DCC: variants seen among roughly 807,000 people sequenced by gnomAD.
DCC encodes DCC netrin 1 receptor.
A neutral mutation model predicts 172.5 loss-of-function variants in DCC; 58 were observed. The observed-to-expected ratio is 0.34, with a 90% confidence interval of 0.27 to 0.42. The LOEUF is 0.42. Ranked by LOEUF, DCC falls within the 10% of genes least tolerant of loss-of-function variation. The pLI, the probability that DCC is intolerant of heterozygous loss-of-function variation, is 1.00. For synonymous variants in DCC, 709 were observed against 644.5 expected (o/e 1.10, Z -1.52); for missense variants, 1,740 against 1,791.0 (o/e 0.97, Z 0.51).
chr18:53,437,864 A>C (rs1912050970), intron 22 of DCC, among the ~76,000 whole-genome samples: 1 of 152,180 alleles, frequency 6.6e-6, no homozygotes, highest in Non-Finnish European at 1.5e-5. Context: ...ATGGGCGCAA[A>C]CTGAAGGACA....
chr18:52,421,126 A>G (rs111502913), intron 1 of DCC, among the ~76,000 whole-genome samples: 4 of 152,314 alleles, frequency 2.6e-5, no homozygotes, highest in African/African-American at 9.6e-5. Flanking sequence ...AAAGTTATTG[A>G]ACTGTACAGT....
intron 7 of DCC, among the ~76,000 whole-genome samples, chr18:53,119,205 G>A (rs921833341): frequency 3.3e-5 from 5 of 151,780 alleles, no homozygotes; most frequent in Admixed American, 6.6e-5. Context: ...GCTTCTGGAA[G>A]CTTCGTTTCA....
chr18:53,364,217 C>T lies in DCC; in HGVS notation c.2360-21826C>T, dbSNP rs544209186. The stretch of plus-strand genomic sequence containing the variant: ...TCATTGACACATAATAGACTCTCTC[C>T]AGTCCTCAATTTCCACACCGTCAAA... On this transcript the variant is annotated intron_variant, in intron 15 of 28. Transcript: ENST00000442544. Among the ~76,000 whole-genome samples the T allele has an allele frequency of 2.0e-5, 3 of 152,230 alleles. No homozygotes were observed. In the East Asian group the frequency reaches 5.8e-4, roughly 29 times the overall value.
At chr18:52,895,851 C>A (rs2039720922) in intron 2 of DCC, among the ~76,000 whole-genome samples, 1 of 151,636 alleles carries the variant, frequency 6.6e-6, no homozygotes. Flanking sequence ...GTGGCGCAAT[C>A]TTGGCTTATG....
chr18:52,506,853 A>G (rs1377890354), intron 1 of DCC, among the ~76,000 whole-genome samples: 1 of 152,140 alleles, frequency 6.6e-6, no homozygotes, highest in Non-Finnish European at 1.5e-5. Flanking sequence ...GCAATGTAGT[A>G]TATGGGGAAT....
chr18:53,326,265 A>G (rs906643636), intron 14 of DCC, among the ~76,000 whole-genome samples: 1 of 152,216 alleles, frequency 6.6e-6, no homozygotes, highest in Non-Finnish European at 1.5e-5. Flanking sequence ...ATGCTGTTAC[A>G]CGTTATGATT....
intron 1 of DCC, among the ~76,000 whole-genome samples, chr18:52,539,740 A>G (rs1177632287): frequency 6.6e-6 from 1 of 152,218 alleles, no homozygotes; most frequent in Non-Finnish European, 1.5e-5. Context: ...TATTCTGGAA[A>G]ATTGCTTAGA....
At chr18:53,114,937 G>T (rs2043388868) in intron 7 of DCC, among the ~76,000 whole-genome samples, 1 of 151,642 alleles carries the variant, frequency 6.6e-6, no homozygotes, top group South Asian at 2.1e-4. Context: ...TGAAAGCAAG[G>T]CCCACTGCCA....
intron 1 of DCC, among the ~76,000 whole-genome samples, chr18:52,477,054 G>A (rs1989114849): frequency 6.6e-6 from 1 of 152,128 alleles, no homozygotes; most frequent in Non-Finnish European, 1.5e-5. Context: ...AGGCATTTGT[G>A]TGACATCAGG....
chr18:52,345,053 T>C (rs1346514456), intron 1 of DCC, among the ~76,000 whole-genome samples: 1 of 152,226 alleles, frequency 6.6e-6, no homozygotes, highest in African/African-American at 2.4e-5. Context: ...TGGCCCACAC[T>C]ACTATCAGAA....
intron 5 of DCC, among the ~76,000 whole-genome samples, chr18:53,059,825 G>T (rs941582909): frequency 6.6e-6 from 1 of 151,998 alleles, no homozygotes; most frequent in Admixed American, 6.6e-5. Flanking sequence ...GCATTTTGTT[G>T]CTTGAGTTTT....
intron 25 of DCC, among the ~76,000 whole-genome samples, chr18:53,478,180 T>C (rs947968268): frequency 2.0e-4 from 30 of 152,322 alleles, no homozygotes; most frequent in African/African-American, 6.7e-4. Context: ...GGCTGTCCTT[T>C]AGGGTTGTCC....
intron 15 of DCC, among the ~76,000 whole-genome samples, chr18:53,351,384 G>GTATATATATACAGTGTA (rs1568075018): frequency 2.7e-3 from 55 of 20,298 alleles, no homozygotes; most frequent in Admixed American, 8.4e-3. Flanking sequence ...TATATATACA[G>GTATATATATACAGTGTA]TATATATATA....
chr18:52,986,823 C>CAT lies in DCC; in HGVS notation c.985+61454_985+61455insTA, dbSNP rs1555692514. The stretch of plus-strand genomic sequence containing the variant: ...CACGTGTAGTATATATATACACACA[C>CAT]ACACATATACATACACACACACACA... On this transcript the variant is annotated intron_variant, in intron 5 of 28. Transcript: ENST00000442544. Among the ~76,000 whole-genome samples the CAT allele has an allele frequency of 2.2e-4, 29 of 132,650 alleles. No individual in the cohort carries two copies. In the East Asian group the frequency reaches 9.8e-3, roughly 45 times the overall value. 87.0% of individuals were successfully genotyped at this position (132,650 alleles called of 152,430 possible). A position where few individuals can be genotyped will look rare whatever the true frequency, so the allele number is the denominator to read the frequency against.
intron 15 of DCC, among the ~76,000 whole-genome samples, chr18:53,352,205 G>T (rs560758681): frequency 3.3e-5 from 5 of 152,054 alleles, no homozygotes; most frequent in Non-Finnish European, 7.4e-5. Flanking sequence ...ACAGCCTAAA[G>T]TTTCTGATTA....
chr18:52,792,643 C>G (rs2037792758), intron 2 of DCC, among the ~76,000 whole-genome samples: 1 of 152,106 alleles, frequency 6.6e-6, no homozygotes, highest in Non-Finnish European at 1.5e-5. Context: ...GGTGTGACAT[C>G]CGAGTCTTTA....
At chr18:52,484,955 C>T (rs908748240) in intron 1 of DCC, among the ~76,000 whole-genome samples, 1 of 151,948 alleles carries the variant, frequency 6.6e-6, no homozygotes, top group African/African-American at 2.4e-5. Context: ...CTTTCCTGTC[C>T]AAGAAATTGT....
intron 9 of DCC, among the ~76,000 whole-genome samples, chr18:53,182,269 T>A (rs2055209408): frequency 6.6e-6 from 1 of 152,336 alleles, no homozygotes; most frequent in Admixed American, 6.5e-5. Context: ...ATGGCAGCAA[T>A]AACAGCCTTA....
At chr18:52,989,464 A>G (rs1204940350) in intron 5 of DCC, among the ~76,000 whole-genome samples, 1 of 151,772 alleles carries the variant, frequency 6.6e-6, no homozygotes, top group Non-Finnish European at 1.5e-5. Flanking sequence ...TGGTCGTTGC[A>G]GTGAACCGAG....
Sources: allele counts gnomAD v4.1 joint callset (sites outside exome capture counted in the v4.1 genomes callset), GRCh38; gene constraint gnomAD v4.1.1; transcripts MANE v1.5; gene names NCBI Gene and HGNC (gene_info 2026-07-23, HGNC 2026-07-21).